The following TRIQK variants were observed in gnomAD, a reference collection of about 807,000 sequenced individuals.
TRIQK encodes triple QxxK/R motif-containing protein.
In TRIQK, 10 loss-of-function variants were observed where a neutral mutation model predicts 10.8. The observed-to-expected ratio is 0.92, with a 90% confidence interval of 0.57 to 1.57. TRIQK has a LOEUF of 1.57. Among genes scored for constraint, TRIQK ranks in the 40% most tolerant of loss-of-function variants. TRIQK has a pLI of 0.00. For missense variants in TRIQK, 107 were observed against 97.7 expected (o/e 1.09, Z -0.40); for synonymous variants, 33 against 33.7 (o/e 0.98, Z 0.07).
intron 2 of TRIQK, among the ~76,000 whole-genome samples, chr8:92,939,129 G>A (rs1203765258): frequency 6.6e-6 from 1 of 152,140 alleles, no homozygotes; most frequent in Non-Finnish European, 1.5e-5. Flanking sequence ...TTGTTGAGAG[G>A]AGAAAGAGAG....
intron 1 of TRIQK, among the ~76,000 whole-genome samples, chr8:92,984,098 A>C (rs906305038): frequency 6.6e-6 from 1 of 152,066 alleles, no homozygotes; most frequent in Admixed American, 6.6e-5. Flanking sequence ...AGGAAGTGAG[A>C]GGCATTATTT....
chr8:93,009,130 A>G (rs1344409872), intron 1 of TRIQK, among the ~76,000 whole-genome samples: 2 of 152,256 alleles, frequency 1.3e-5, no homozygotes, highest in South Asian at 2.1e-4. Flanking sequence ...ACTCCACTCA[A>G]TAGCAAAATA....
chr8:92,903,430 A>G (rs1244112329), intron 3 of TRIQK, among the ~76,000 whole-genome samples: 3 of 151,952 alleles, frequency 2.0e-5, no homozygotes, highest in Non-Finnish European at 4.4e-5. Context: ...TTGATAATTA[A>G]ATGCCAGGCA....
At chr8:92,906,030 T>C (rs138471405) in intron 3 of TRIQK, among the ~76,000 whole-genome samples, 142 of 152,304 alleles carry the variant, frequency 9.3e-4, no homozygotes, top group African/African-American at 3.3e-3. Flanking sequence ...ATCTTTATCA[T>C]ATTCTCACAC....
chr8:92,956,547 A>G (rs1384585805), intron 1 of TRIQK, among the ~76,000 whole-genome samples: 1 of 151,862 alleles, frequency 6.6e-6, no homozygotes, highest in East Asian at 1.9e-4. Context: ...AATATAGCTC[A>G]ATAAAGCTGT....
At chr8:92,952,453 A>G (rs947102890) in intron 2 of TRIQK, among the ~76,000 whole-genome samples, 9 of 151,742 alleles carry the variant, frequency 5.9e-5, no homozygotes, top group African/African-American at 2.2e-4. Context: ...AGAACAGAAT[A>G]CCCAAAGATT....
At chr8:92,951,168 G>T (rs867390899) in intron 2 of TRIQK, among the ~76,000 whole-genome samples, 1 of 150,494 alleles carries the variant, frequency 6.6e-6, no homozygotes, top group Non-Finnish European at 1.5e-5. Context: ...ATCTGCAATT[G>T]CCTGAATTCA....
intron 3 of TRIQK, among the ~76,000 whole-genome samples, chr8:92,892,371 G>T (rs1442330216): frequency 6.6e-6 from 1 of 151,846 alleles, no homozygotes; most frequent in African/African-American, 2.4e-5. Context: ...AAAACTTTTG[G>T]AAGCATTTGG....
chr8:92,984,797 T>C (rs2130745986), intron 1 of TRIQK, among the ~76,000 whole-genome samples: 1 of 152,250 alleles, frequency 6.6e-6, no homozygotes, highest in South Asian at 2.1e-4. Flanking sequence ...CTCTCTCTTC[T>C]CTTCTTTACC....
At chr8:92,963,425 T>A (rs899082324) in intron 1 of TRIQK, 1 of 151,890 alleles carries the variant, frequency 6.6e-6, no homozygotes, top group South Asian at 2.1e-4. Context: ...CAATTCTTTT[T>A]AGCCACAAAT....
At chr8:93,001,622 C>A (rs59794799) in intron 1 of TRIQK, among the ~76,000 whole-genome samples, 1 of 151,924 alleles carries the variant, frequency 6.6e-6, no homozygotes, top group Non-Finnish European at 1.5e-5. Context: ...AACATCAGAG[C>A]TCCTGAATAT....
intron 1 of TRIQK, among the ~76,000 whole-genome samples, chr8:92,995,243 G>A (rs768473557): frequency 1.1e-4 from 17 of 151,980 alleles, no homozygotes; most frequent in African/African-American, 2.7e-4. Flanking sequence ...CTGTTATCCC[G>A]CTATTCCCTT....
chr8:92,938,166 C>T (rs548233719), intron 2 of TRIQK, among the ~76,000 whole-genome samples: 30 of 152,006 alleles, frequency 2.0e-4, no homozygotes, highest in Middle Eastern at 6.8e-3. Flanking sequence ...TCTTACAGTA[C>T]TTGAAAGCTA....
intron 3 of TRIQK, among the ~76,000 whole-genome samples, chr8:92,894,427 C>A (rs1441745539): frequency 6.6e-6 from 1 of 151,360 alleles, no homozygotes; most frequent in Non-Finnish European, 1.5e-5. Context: ...AAGTCCCTGA[C>A]TTCTGCGTAC....
chr8:92,912,703 T>C (rs1809632746), intron 3 of TRIQK, among the ~76,000 whole-genome samples: 1 of 151,844 alleles, frequency 6.6e-6, no homozygotes, highest in South Asian at 2.1e-4. Context: ...TATAAACAAT[T>C]ATACACCAAC....
intron 4 of TRIQK, among the ~76,000 whole-genome samples, chr8:92,889,827 G>A (rs1403005639): frequency 6.6e-6 from 1 of 151,710 alleles, no homozygotes; most frequent in Non-Finnish European, 1.5e-5. Flanking sequence ...AGGCAAAGGG[G>A]ATAGGATTCT....
At chr8:92,998,550 AAC>A (rs2130754919) in intron 1 of TRIQK, among the ~76,000 whole-genome samples, 1 of 152,192 alleles carries the variant, frequency 6.6e-6, no homozygotes, top group African/African-American at 2.4e-5. Flanking sequence ...ATAGAAACAA[AAC>A]TCCCCCATTT....
At chr8:92,951,339 T>G (rs1212464458) in intron 2 of TRIQK, among the ~76,000 whole-genome samples, 5 of 152,164 alleles carry the variant, frequency 3.3e-5, no homozygotes, top group African/African-American at 1.2e-4. Context: ...TTAAACAGAC[T>G]GAAAAATCAG....
intron 2 of TRIQK, chr8:92,921,629 A>C (rs190857724): frequency 6.6e-6 from 1 of 151,890 alleles, no homozygotes; most frequent in African/African-American, 2.4e-5. Context: ...GAGGACAGCT[A>C]TCCAACCAAC....
Sources: gnomAD v4.1 joint callset for allele counts (sites outside exome capture counted in the v4.1 genomes callset) on GRCh38, gnomAD v4.1.1 for gene constraint, MANE v1.5 for transcripts, NCBI Gene and HGNC (gene_info 2026-07-23, HGNC 2026-07-21) for gene names.